PTPN14: variants seen among roughly 807,000 people sequenced by gnomAD.
PTPN14 encodes tyrosine-protein phosphatase non-receptor type 14.
In PTPN14, 53 loss-of-function variants were observed where a neutral mutation model predicts 126.8. The ratio of observed to expected loss-of-function variants is 0.42; its 90% confidence interval spans 0.34 to 0.53. PTPN14 has a LOEUF of 0.53. Among genes scored for constraint, PTPN14 ranks in the 20% least tolerant of loss-of-function variants. PTPN14 has a pLI of 0.08. For synonymous variants in PTPN14, 630 were observed against 599.3 expected, an observed-to-expected ratio of 1.05 and a Z score of -0.75; for missense variants, 1,257 against 1,552.9, an observed-to-expected ratio of 0.81 and a Z score of 3.20.
intron 11 of PTPN14, among the ~76,000 whole-genome samples, chr1:214,388,489 C>T (rs1658675686): frequency 6.6e-6 from 1 of 151,982 alleles, no homozygotes; most frequent in Non-Finnish European, 1.5e-5. Flanking sequence ...TCACTGCAAC[C>T]TCCGCCTCCC....
chr1:214,365,079 C>T (rs546005228), intron 17 of PTPN14, among the ~76,000 whole-genome samples: 3 of 152,264 alleles, frequency 2.0e-5, no homozygotes, highest in Admixed American at 6.5e-5. Flanking sequence ...CCCCTTGAAA[C>T]GCCCGCCTGT....
At chr1:214,450,165 A>AAATAAATAAAT (rs1558107723) in intron 3 of PTPN14, among the ~76,000 whole-genome samples, 14 of 72,668 alleles carry the variant, frequency 1.9e-4, no homozygotes, top group African/African-American at 6.8e-4. Context: ...AATAAATAAA[A>AAATAAATAAAT]GCCAAATTAA....
intron 1 of PTPN14, among the ~76,000 whole-genome samples, chr1:214,541,141 T>C (rs1296645000): frequency 1.3e-5 from 2 of 152,036 alleles, no homozygotes; most frequent in Non-Finnish European, 2.9e-5. Flanking sequence ...ATTAGGGATA[T>C]TATTATCCCT....
chr1:214,510,814 C>T (rs1410413887), intron 1 of PTPN14, among the ~76,000 whole-genome samples: 1 of 152,178 alleles, frequency 6.6e-6, no homozygotes, highest in Non-Finnish European at 1.5e-5. Flanking sequence ...AATGATCTGT[C>T]CTCCAAGATC....
intron 3 of PTPN14, among the ~76,000 whole-genome samples, chr1:214,425,690 T>G (rs1011280358): frequency 2.0e-5 from 3 of 152,204 alleles, no homozygotes; most frequent in African/African-American, 7.2e-5. Context: ...CACATGTCTA[T>G]CAAAAGCTTT....
At chr1:214,479,965 T>G (rs1571609377) in intron 1 of PTPN14, among the ~76,000 whole-genome samples, 1 of 152,242 alleles carries the variant, frequency 6.6e-6, no homozygotes, top group African/African-American at 2.4e-5. Flanking sequence ...TCTTTCATTA[T>G]TTATGATTAC....
At chr1:214,407,692 T>C (rs1025905724) in intron 5 of PTPN14, among the ~76,000 whole-genome samples, 1 of 152,170 alleles carries the variant, frequency 6.6e-6, no homozygotes, top group Non-Finnish European at 1.5e-5. Context: ...CTTTCTCCCA[T>C]ATGCCATCAC....
At chr1:214,492,381 A>G (rs1208269497) in intron 1 of PTPN14, among the ~76,000 whole-genome samples, 1 of 152,180 alleles carries the variant, frequency 6.6e-6, no homozygotes, top group African/African-American at 2.4e-5. Flanking sequence ...TTCAACCCCA[A>G]AGGTCCATAA....
intron 1 of PTPN14, among the ~76,000 whole-genome samples, chr1:214,476,676 C>A (rs1660874129): frequency 6.6e-6 from 1 of 152,176 alleles, no homozygotes; most frequent in Non-Finnish European, 1.5e-5. Flanking sequence ...CCAGCCCCAC[C>A]AGCAAGCCTC....
At chr1:214,507,759 A>G (rs923865307) in intron 1 of PTPN14, among the ~76,000 whole-genome samples, 2 of 152,234 alleles carry the variant, frequency 1.3e-5, no homozygotes, top group Non-Finnish European at 2.9e-5. Flanking sequence ...TTCCCAGTGC[A>G]TATAAAAGTT....
At chr1:214,445,064 C>T (rs189515899) in intron 3 of PTPN14, among the ~76,000 whole-genome samples, 102 of 152,298 alleles carry the variant, frequency 6.7e-4, no homozygotes, top group Non-Finnish European at 1.1e-3. Flanking sequence ...TCCATGCAAG[C>T]CCATACAGAG....
chr1:214,504,082 T>C (rs1654772251), intron 1 of PTPN14, among the ~76,000 whole-genome samples: 1 of 152,134 alleles, frequency 6.6e-6, no homozygotes, highest in Non-Finnish European at 1.5e-5. Context: ...ACTTTCCCAT[T>C]CCTCCCCAAC....
At chr1:214,457,780 T>C (rs1660415336) in intron 2 of PTPN14, among the ~76,000 whole-genome samples, 1 of 152,194 alleles carries the variant, frequency 6.6e-6, no homozygotes, top group Admixed American at 6.5e-5. Flanking sequence ...AACATACATA[T>C]AATTAATGAG....
chr1:214,456,333 T>TA (rs1660382165), intron 2 of PTPN14, among the ~76,000 whole-genome samples: 1 of 152,178 alleles, frequency 6.6e-6, no homozygotes, highest in Admixed American at 6.5e-5. Context: ...AATTACATAT[T>TA]ATACAAGCAC....
intron 1 of PTPN14, among the ~76,000 whole-genome samples, chr1:214,527,571 T>A (rs776925457): frequency 7.2e-4 from 110 of 152,326 alleles, no homozygotes; most frequent in Middle Eastern, 3.4e-3. Flanking sequence ...ATATATTTTT[T>A]AATAATTTCC....
chr1:214,482,965 C>T (rs1352863083), intron 1 of PTPN14: 48 of 1,599,696 alleles, frequency 3.0e-5, no homozygotes, highest in Non-Finnish European at 3.9e-5. Context: ...CTTTGTGCAT[C>T]AATTTGTGTA....
intron 1 of PTPN14, among the ~76,000 whole-genome samples, chr1:214,467,981 A>G (rs1208345539): frequency 6.6e-6 from 1 of 152,240 alleles, no homozygotes; most frequent in Non-Finnish European, 1.5e-5. Flanking sequence ...CTGTAGAATA[A>G]AAGAGATTTA....
chr1:214,471,194 T>A (rs1241062159), intron 1 of PTPN14, among the ~76,000 whole-genome samples: 1 of 151,872 alleles, frequency 6.6e-6, no homozygotes, highest in Non-Finnish European at 1.5e-5. Context: ...CTTCAACTTC[T>A]AGGGTCTTTG....
chr1:214,376,203 AG>A lies in PTPN14; in HGVS notation c.2907+15del. The A allele has an allele frequency of 6.2e-7, 1 of 1,605,118 alleles. No homozygotes were observed. The highest frequency in any genetic ancestry group is 8.5e-7 in the Non-Finnish European group (1 of 1,172,620). On this transcript the variant is annotated intron_variant, in intron 15 of 18. Transcript: ENST00000366956. ...AGCCATCTTTACCAAACCTTCTAAC[AG>A]GCTTGCCTTCTTACCTTGATGTGGG...
Sources: allele counts gnomAD v4.1 joint callset (sites outside exome capture counted in the v4.1 genomes callset), GRCh38; gene constraint gnomAD v4.1.1; transcripts MANE v1.5; gene names NCBI Gene and HGNC (gene_info 2026-07-23, HGNC 2026-07-21).